CCDC171: variants seen among roughly 807,000 people sequenced by gnomAD.
CCDC171 encodes the protein coiled-coil domain-containing protein 171.
In CCDC171, 177 loss-of-function variants were observed where a neutral mutation model predicts 168.2. The observed-to-expected ratio is 1.05, with a 90% CI of 0.93 to 1.19. The LOEUF is 1.19. CCDC171 is among the 50% of genes most tolerant of loss of function. CCDC171 has a pLI of 0.00. For synonymous variants in CCDC171, 687 were observed against 540.8 expected (o/e 1.27, Z -3.75); for missense variants, 1,991 against 1,539.0 (o/e 1.29, Z -4.91).
intron 13 of CCDC171, 56 bp downstream of exon 13, chr9:15,723,802 G>T: frequency 1.2e-6 from 1 of 851,666 alleles, no homozygotes; most frequent in South Asian, 1.7e-5. Context: ...TAGTTATCTA[G>T]GGAATATTTT....
intron 25 of CCDC171, among the ~76,000 whole-genome samples, chr9:15,926,137 A>G (rs768627381): frequency 2.0e-5 from 3 of 151,784 alleles, no homozygotes; most frequent in Non-Finnish European, 4.4e-5. Flanking sequence ...TGCTGAGAAG[A>G]TAATGTATGT....
intron 3 of CCDC171, among the ~76,000 whole-genome samples, chr9:15,986,272 G>A (rs929970400): frequency 1.3e-5 from 2 of 152,196 alleles, no homozygotes; most frequent in Non-Finnish European, 2.9e-5. Flanking sequence ...TCTCTGCGAT[G>A]TGAATAAACA....
At chr9:15,817,409 G>C in intron 21 of CCDC171, among the ~76,000 whole-genome samples, 1 of 118,332 alleles carries the variant, frequency 8.5e-6, no homozygotes, top group East Asian at 2.2e-4. Context: ...TGCGTCACCC[G>C]GGAAGCACAA....
intron 21 of CCDC171, among the ~76,000 whole-genome samples, chr9:15,841,826 G>T (rs2060693205): frequency 1.3e-5 from 2 of 151,630 alleles, no homozygotes; most frequent in Non-Finnish European, 1.5e-5. Context: ...TTGTAAATTT[G>T]GTTGTTGTAT....
intron 18 of CCDC171, among the ~76,000 whole-genome samples, chr9:15,765,204 A>G (rs571113256): frequency 6.6e-6 from 1 of 152,158 alleles, no homozygotes; most frequent in African/African-American, 2.4e-5. Context: ...CAGTCTGTTA[A>G]AGAGAAAGTG....
At chr9:15,628,753 C>G (rs974063442) in intron 7 of CCDC171, among the ~76,000 whole-genome samples, 5 of 152,196 alleles carry the variant, frequency 3.3e-5, no homozygotes, top group African/African-American at 9.7e-5. Context: ...CCCCTGAACC[C>G]TGAGCAGCCT....
At chr9:15,700,399 C>G (rs571753845) in intron 11 of CCDC171, among the ~76,000 whole-genome samples, 69 of 152,328 alleles carry the variant, frequency 4.5e-4, no homozygotes, top group African/African-American at 1.4e-3. Context: ...CTGCGCGCAG[C>G]CCCGGTTCCC....
intron 7 of CCDC171, among the ~76,000 whole-genome samples, chr9:15,627,491 G>A (rs1235659512): frequency 3.3e-5 from 5 of 152,168 alleles, no homozygotes; most frequent in Non-Finnish European, 4.4e-5. Flanking sequence ...TGGTTTGAAT[G>A]TGTCCCAGAG....
chr9:15,893,968 C>A (rs990420925), intron 24 of CCDC171, among the ~76,000 whole-genome samples: 1 of 152,136 alleles, frequency 6.6e-6, no homozygotes, highest in African/African-American at 2.4e-5. Flanking sequence ...TATAATGATA[C>A]ATGCACACGT....
At chr9:15,859,216 C>G (rs2061457687) in intron 23 of CCDC171, among the ~76,000 whole-genome samples, 1 of 152,008 alleles carries the variant, frequency 6.6e-6, no homozygotes, top group African/African-American at 2.4e-5. Context: ...TTGAACCATT[C>G]TTACATCCCA....
At chr9:15,865,053 A>C (rs2061718278) in intron 23 of CCDC171, among the ~76,000 whole-genome samples, 1 of 152,070 alleles carries the variant, frequency 6.6e-6, no homozygotes, top group African/African-American at 2.4e-5. Flanking sequence ...TAAAAGATAA[A>C]ACAGGAAATG....
chr9:15,854,370 CTTG>C, intron 23 of CCDC171, among the ~76,000 whole-genome samples: 1 of 151,398 alleles, frequency 6.6e-6, no homozygotes, highest in South Asian at 2.1e-4. Context: ...AGTTATGTGA[CTTG>C]TTGATATCCC....
intron 23 of CCDC171, among the ~76,000 whole-genome samples, chr9:15,872,878 TA>T (rs1338373218): frequency 6.6e-6 from 1 of 152,038 alleles, no homozygotes; most frequent in Non-Finnish European, 1.5e-5. Flanking sequence ...TTCATACATG[TA>T]AAATATAAAA....
chr9:15,783,975 G>C (rs1264679966), intron 20 of CCDC171, among the ~76,000 whole-genome samples: 1 of 152,028 alleles, frequency 6.6e-6, no homozygotes, highest in Non-Finnish European at 1.5e-5. Flanking sequence ...GTGTGGACAG[G>C]CAATAAAAAA....
At chr9:15,838,554 C>A (rs1468465477) in intron 21 of CCDC171, among the ~76,000 whole-genome samples, 1 of 152,132 alleles carries the variant, frequency 6.6e-6, no homozygotes, top group East Asian at 1.9e-4. Context: ...CCACAAAGTT[C>A]ATAGAAAACA....
At chr9:15,557,881 A>G (rs532854835) in intron 1 of CCDC171, among the ~76,000 whole-genome samples, 1 of 152,176 alleles carries the variant, frequency 6.6e-6, no homozygotes, top group Admixed American at 6.5e-5. Flanking sequence ...GGTTTGTCAT[A>G]AAGAGCTCTT....
intron 3 of CCDC171, among the ~76,000 whole-genome samples, chr9:16,008,367 C>G (rs1369813627): frequency 2.0e-5 from 3 of 152,186 alleles, no homozygotes; most frequent in Non-Finnish European, 4.4e-5. Flanking sequence ...TGGCACCATA[C>G]TAGGTTTCTT....
intron 10 of CCDC171, among the ~76,000 whole-genome samples, chr9:15,688,934 T>A (rs1457177699): frequency 6.6e-6 from 1 of 152,140 alleles, no homozygotes; most frequent in Non-Finnish European, 1.5e-5. Flanking sequence ...GTTGACATAA[T>A]CCTGTATATA....
At chr9:15,579,300 T>C (rs560672792) in intron 4 of CCDC171, among the ~76,000 whole-genome samples, 2 of 152,224 alleles carry the variant, frequency 1.3e-5, no homozygotes, top group Non-Finnish European at 2.9e-5. Flanking sequence ...CTTCCATGAA[T>C]AATCAACAGA....
Sources: allele counts gnomAD v4.1 joint callset (sites outside exome capture counted in the v4.1 genomes callset), GRCh38; gene constraint gnomAD v4.1.1; transcripts MANE v1.5; gene names NCBI Gene and HGNC (gene_info 2026-07-23, HGNC 2026-07-21).